The following NTRK2 variants were observed in gnomAD, a reference collection of about 807,000 sequenced individuals.
NTRK2 encodes BDNF/NT-3 growth factors receptor.
NTRK2 carries 13 observed loss-of-function variants against 94.5 expected under a neutral mutation model. The ratio of observed to expected loss-of-function variants is 0.14; its 90% CI spans 0.09 to 0.22. The LOEUF (loss-of-function observed/expected upper bound fraction) is 0.22. Among genes scored for constraint, NTRK2 ranks in the 10% least tolerant of loss-of-function variants. The pLI is 1.00. For missense variants in NTRK2, 639 were observed against 1,071.2 expected (o/e 0.60, Z 5.63); for synonymous variants, 372 against 407.4 (o/e 0.91, Z 1.05).
chr9:84,923,891 G>A (rs1384232866), intron 14 of NTRK2, among the ~76,000 whole-genome samples: 3 of 150,682 alleles, frequency 2.0e-5, no homozygotes, highest in Non-Finnish European at 3.0e-5. Context: ...CAGAGTGAGT[G>A]AGACTCCATC....
At chr9:84,969,704 G>C (rs1035590644) in intron 17 of NTRK2, among the ~76,000 whole-genome samples, 6 of 151,986 alleles carry the variant, frequency 3.9e-5, no homozygotes, top group Non-Finnish European at 8.8e-5. Context: ...GATTTCTATG[G>C]GTGACAACTT....
intron 14 of NTRK2, among the ~76,000 whole-genome samples, chr9:84,886,270 A>C (rs1168665542): frequency 6.6e-6 from 1 of 152,214 alleles, no homozygotes; most frequent in Non-Finnish European, 1.5e-5. Flanking sequence ...ATAACTCTTC[A>C]TGAGGTTGAT....
chr9:84,999,987 A>G (rs573033563), intron 17 of NTRK2, among the ~76,000 whole-genome samples: 1 of 152,300 alleles, frequency 6.6e-6, no homozygotes, highest in South Asian at 2.1e-4. Flanking sequence ...CCCTTCCTGA[A>G]TTTTTAAATG....
At chr9:84,924,277 A>AAG (rs1298385008) in intron 14 of NTRK2, among the ~76,000 whole-genome samples, 2 of 150,360 alleles carry the variant, frequency 1.3e-5, no homozygotes, top group East Asian at 3.9e-4. Flanking sequence ...GAAAGAAAGA[A>AAG]AGAAAGAAAG....
Position 84,871,260 on chromosome 9 carries a change from C to G in NTRK2, c.1633+3829C>G, listed in dbSNP as rs76700110. Among the ~76,000 whole-genome samples, 710 of 152,244 alleles carry G rather than the reference C, an allele frequency of 4.7e-3. 13 individuals carry two copies. The highest frequency in any genetic ancestry group is 0.038 in the Admixed American group (577 of 15,282). Reference sequence around the variant, plus strand: ...CAGGCTGAAGGAAAAATGATATGGGCTAGTGAGGGCCATGCTGGAGTATGG... The same window carrying G: ...CAGGCTGAAGGAAAAATGATATGGGGTAGTGAGGGCCATGCTGGAGTATGG... On this transcript the variant is annotated intron_variant, in intron 14 of 18. Transcript: ENST00000277120.
intron 14 of NTRK2, among the ~76,000 whole-genome samples, chr9:84,904,943 C>A (rs2077029898): frequency 6.6e-6 from 1 of 152,154 alleles, no homozygotes; most frequent in Non-Finnish European, 1.5e-5. Context: ...TGTTCGTCAA[C>A]TCTTGAAGAT....
chr9:84,817,149 G>A (rs138453526), intron 12 of NTRK2, among the ~76,000 whole-genome samples: 1 of 152,306 alleles, frequency 6.6e-6, no homozygotes, highest in East Asian at 1.9e-4. Context: ...GGGACACTCG[G>A]TATTGCTAAT....
chr9:84,720,792 TA>T, intron 6 of NTRK2, among the ~76,000 whole-genome samples: 1 of 151,786 alleles, frequency 6.6e-6, no homozygotes, highest in Non-Finnish European at 1.5e-5. Context: ...GAGGGTGCTA[TA>T]AAAAAAGAAC....
intron 14 of NTRK2, among the ~76,000 whole-genome samples, chr9:84,882,735 T>A (rs2076299337): frequency 7.1e-6 from 1 of 140,928 alleles, no homozygotes; most frequent in Admixed American, 7.2e-5. Flanking sequence ...CGCGCGCGCA[T>A]GTGTGCATTA....
At chr9:84,977,634 A>G (rs749306591) in intron 17 of NTRK2, among the ~76,000 whole-genome samples, 15 of 152,240 alleles carry the variant, frequency 9.9e-5, no homozygotes, top group Non-Finnish European at 1.9e-4. Flanking sequence ...TTCGTGGATA[A>G]TGAGAATCAA....
intron 16 of NTRK2, among the ~76,000 whole-genome samples, chr9:84,953,239 G>A (rs775827025): frequency 6.6e-6 from 1 of 152,188 alleles, no homozygotes; most frequent in Non-Finnish European, 1.5e-5. Context: ...AAAAAGTAAT[G>A]CACAGAGGAT....
intron 14 of NTRK2, among the ~76,000 whole-genome samples, chr9:84,920,437 G>T (rs751762888): frequency 2.3e-4 from 35 of 152,090 alleles, no homozygotes; most frequent in Non-Finnish European, 4.4e-4. Context: ...TATGCTTCCA[G>T]ACTGGATGTG....
In NTRK2 at chr9:84,710,878, C is replaced by T. The variant is rs1291625081; in HGVS notation, c.583+87C>T. 5.3e-6 allele frequency: 7 copies of T among 1,312,536 alleles called. No homozygotes were observed. The East Asian group carries it at 1.4e-4, about 27-fold the overall frequency. The allele number at this position is 1,312,536 out of a possible 1,614,324, so 81.3% of individuals were successfully genotyped here. A position where few individuals can be genotyped will look rare whatever the true frequency, so the allele number is the denominator to read the frequency against. ...GGTAGTCTGGGAAAATTACCACTACCTGGATTGTATATAGTATTCTGTTGA... is the reference window on the plus strand; with the variant it reads ...GGTAGTCTGGGAAAATTACCACTACTTGGATTGTATATAGTATTCTGTTGA... On this transcript the variant is annotated intron_variant, in intron 6 of 18. Transcript: ENST00000277120.
intron 12 of NTRK2, among the ~76,000 whole-genome samples, chr9:84,790,861 G>T (rs113630771): frequency 0.016 from 2,436 of 152,268 alleles, 78 homozygotes; most frequent in African/African-American, 0.055. Flanking sequence ...TTACTAAAAG[G>T]ATCCCTGGCT....
chr9:84,700,497 C>T (rs912615257), intron 2 of NTRK2, among the ~76,000 whole-genome samples: 5 of 152,080 alleles, frequency 3.3e-5, no homozygotes, highest in African/African-American at 7.2e-5. Flanking sequence ...AAGAAGCCGC[C>T]GTTCTATCTT....
intron 12 of NTRK2, among the ~76,000 whole-genome samples, chr9:84,799,155 A>T (rs1206141500): frequency 3.9e-5 from 6 of 151,976 alleles, no homozygotes; most frequent in Non-Finnish European, 5.9e-5. Flanking sequence ...CAAGGGGAAA[A>T]ACAGGTATGA....
chr9:84,728,057 G>T (rs1286316680), intron 9 of NTRK2, 98 bp downstream of exon 9: 3 of 1,100,750 alleles, frequency 2.7e-6, no homozygotes, highest in Non-Finnish European at 4.1e-6. Context: ...CCAACCTAGT[G>T]GCTTAAAACT....
At chr9:84,695,547 C>T (rs2060325726) in intron 2 of NTRK2, among the ~76,000 whole-genome samples, 1 of 152,168 alleles carries the variant, frequency 6.6e-6, no homozygotes, top group South Asian at 2.1e-4. Flanking sequence ...ATTCTTTACC[C>T]TCAGAAAAAT....
intron 2 of NTRK2, among the ~76,000 whole-genome samples, chr9:84,682,623 C>A (rs776313748): frequency 1.3e-5 from 2 of 152,116 alleles, no homozygotes; most frequent in Non-Finnish European, 2.9e-5. Context: ...TTCCCTCCCA[C>A]CATGTACTCC....
Sources: allele counts gnomAD v4.1 joint callset (sites outside exome capture counted in the v4.1 genomes callset), GRCh38; gene constraint gnomAD v4.1.1; transcripts MANE v1.5; gene names NCBI Gene and HGNC (gene_info 2026-07-23, HGNC 2026-07-21).